Variants in SBF2 observed in about 807,000 individuals in gnomAD.
The protein encoded by SBF2 is SET binding factor 2.
Under a neutral mutation model 225.2 loss-of-function variants are expected in SBF2, and 112 were observed. That is an observed-to-expected ratio of 0.50 (90% confidence interval 0.43 to 0.58). SBF2 has a LOEUF of 0.58. Ranked by LOEUF, SBF2 falls within the 20% of genes least tolerant of loss-of-function variation. The probability of loss-of-function intolerance (pLI) is 0.00; values close to 1 mark genes in which losing one functional copy is unlikely to be tolerated. For synonymous variants in SBF2, 763 were observed against 773.3 expected, an observed-to-expected ratio of 0.99 and a Z score of 0.22; for missense variants, 1,996 against 2,206.2, an observed-to-expected ratio of 0.90 and a Z score of 1.91.
intron 2 of SBF2, among the ~76,000 whole-genome samples, chr11:10,123,588 A>C (rs1953585988): frequency 6.6e-6 from 1 of 152,096 alleles, no homozygotes; most frequent in Non-Finnish European, 1.5e-5. Flanking sequence ...CTACTTCCTA[A>C]CAGTGCCTAA....
chr11:9,883,834 A>T (rs1590325521), intron 17 of SBF2, among the ~76,000 whole-genome samples: 1 of 152,192 alleles, frequency 6.6e-6, no homozygotes, highest in Non-Finnish European at 1.5e-5. Context: ...AAACTTACAG[A>T]CCTGAAAAAA....
At chr11:10,187,071 T>A (rs1565333954) in intron 2 of SBF2, among the ~76,000 whole-genome samples, 1 of 152,198 alleles carries the variant, frequency 6.6e-6, no homozygotes, top group Non-Finnish European at 1.5e-5. Flanking sequence ...TACAGCTAAC[T>A]GGCTTTGTGA....
rs770684351 is a variant in SBF2 at position 9,949,035 on chromosome 11, A to G, written c.1860+12922T>C. On this transcript the variant is annotated intron_variant, in intron 16 of 39. Transcript: ENST00000256190. Reference sequence around the variant, plus strand: ...TTACTTCTCTCCCTGAGCCTGTTTAATGGTGCCTGGACAAGGAAAGAAAGA... The same window carrying G: ...TTACTTCTCTCCCTGAGCCTGTTTAGTGGTGCCTGGACAAGGAAAGAAAGA... 3.3e-5 allele frequency among the ~76,000 whole-genome samples: 5 copies of G among 152,184 alleles called. No individual in the cohort carries two copies. In the Middle Eastern group the frequency reaches 0.014, roughly 414 times the overall value.
intron 7 of SBF2, among the ~76,000 whole-genome samples, 181 bp from the exon 8 acceptor site, chr11:10,001,203 C>T (rs1425921536): frequency 1.3e-5 from 2 of 152,036 alleles, no homozygotes; most frequent in African/African-American, 4.8e-5. Context: ...GTGAAAGATA[C>T]AATCAGATAT....
intron 1 of SBF2, among the ~76,000 whole-genome samples, chr11:10,260,186 T>C (rs1483488592): frequency 6.6e-6 from 1 of 152,188 alleles, no homozygotes; most frequent in Admixed American, 6.5e-5. Flanking sequence ...CCATAATGTG[T>C]TAATAAAATT....
chr11:9,830,189 C>T (rs1227464779), intron 27 of SBF2, among the ~76,000 whole-genome samples: 2 of 152,152 alleles, frequency 1.3e-5, no homozygotes, highest in African/African-American at 4.8e-5. Flanking sequence ...GAAATCGGCC[C>T]AGACAGTTTA....
At chr11:10,185,636 A>G (rs1328700054) in intron 2 of SBF2, among the ~76,000 whole-genome samples, 1 of 146,570 alleles carries the variant, frequency 6.8e-6, no homozygotes, top group Non-Finnish European at 1.5e-5. Context: ...TTTTTTTTTA[A>G]TAGCAATAAT....
chr11:10,014,627 G>GT (rs1406660192), intron 6 of SBF2, among the ~76,000 whole-genome samples: 1 of 150,690 alleles, frequency 6.6e-6, no homozygotes, highest in Non-Finnish European at 1.5e-5. Flanking sequence ...AAGTAACTTA[G>GT]TTTTTTTTCC....
At chr11:10,070,405 T>C (rs1466092366) in intron 2 of SBF2, among the ~76,000 whole-genome samples, 3 of 152,222 alleles carry the variant, frequency 2.0e-5, no homozygotes, top group Non-Finnish European at 4.4e-5. Flanking sequence ...ACACCATTTA[T>C]TAAATAGGGA....
intron 16 of SBF2, chr11:9,957,547 A>G (rs61876982): frequency 6.6e-6 from 1 of 150,948 alleles, no homozygotes; most frequent in African/African-American, 2.4e-5. Context: ...GCAACCTCCA[A>G]CTCCTGGGTT....
At chr11:10,145,636 T>A (rs1305002909) in intron 2 of SBF2, among the ~76,000 whole-genome samples, 2 of 152,204 alleles carry the variant, frequency 1.3e-5, no homozygotes, top group Non-Finnish European at 2.9e-5. Flanking sequence ...GTTATTATCA[T>A]CACAGGACTT....
chr11:10,192,825 T>C (rs942561482), intron 2 of SBF2, among the ~76,000 whole-genome samples: 2 of 152,204 alleles, frequency 1.3e-5, no homozygotes, highest in East Asian at 1.9e-4. Flanking sequence ...ACTGCTTCTA[T>C]GTGTTTATGT....
At chr11:10,293,246 G>T (rs1473860614) in intron 1 of SBF2, among the ~76,000 whole-genome samples, 1 of 152,196 alleles carries the variant, frequency 6.6e-6, no homozygotes, top group African/African-American at 2.4e-5. Context: ...GTGGAAGTCC[G>T]TCAATTAAAG....
At chr11:9,798,959 A>G (rs1362727102) in intron 32 of SBF2, among the ~76,000 whole-genome samples, 2 of 151,454 alleles carry the variant, frequency 1.3e-5, no homozygotes, top group Non-Finnish European at 3.0e-5. Flanking sequence ...CTCAAAAAAA[A>G]AAAAAACCAA....
intron 1 of SBF2, among the ~76,000 whole-genome samples, chr11:10,268,641 C>T (rs899792554): frequency 6.6e-6 from 1 of 152,168 alleles, no homozygotes; most frequent in Non-Finnish European, 1.5e-5. Flanking sequence ...TTGTTTACTT[C>T]CCAGTGTGTA....
At chr11:9,993,138 C>T (rs1947517584) in intron 10 of SBF2, 35 bp from the exon 11 acceptor site, 6 of 1,500,032 alleles carry the variant, frequency 4.0e-6, no homozygotes, top group Non-Finnish European at 3.7e-6. Context: ...GGTAATTTAA[C>T]TTTTTAAAAA....
chr11:9,837,557 T>C (rs1231754429), intron 26 of SBF2, among the ~76,000 whole-genome samples: 1 of 152,256 alleles, frequency 6.6e-6, no homozygotes, highest in East Asian at 1.9e-4. Flanking sequence ...TGAATTGCTG[T>C]GTGTAAAATA....
chr11:10,294,073 C>A lies in SBF2; in HGVS notation c.-4G>T. 1 of 1,357,026 alleles carries A rather than the reference C, an allele frequency of 7.4e-7. No homozygotes were observed. The highest frequency in any genetic ancestry group is 3.4e-5 in the Admixed American group (1 of 29,210). 84.1% of individuals were successfully genotyped at this position (1,357,026 alleles called of 1,614,324 possible). On this transcript the variant is annotated 5_prime_UTR_variant, in exon 1 of 40. Transcript: ENST00000256190. ...AGTAGTCAGCCAGCCGGGCCATGGC[C>A]GCCGCCGCCGCGCTCGGGAAGCGGG...
At chr11:10,102,963 A>C (rs1565231784) in intron 2 of SBF2, among the ~76,000 whole-genome samples, 1 of 152,184 alleles carries the variant, frequency 6.6e-6, no homozygotes. Context: ...TCTTTTGAAA[A>C]AGATTTTTAT....
Sources: gnomAD v4.1 joint callset for allele counts (sites outside exome capture counted in the v4.1 genomes callset) on GRCh38, gnomAD v4.1.1 for gene constraint, MANE v1.5 for transcripts, NCBI Gene and HGNC (gene_info 2026-07-23, HGNC 2026-07-21) for gene names.